The following RB1 variants were observed in gnomAD, a reference collection of about 807,000 sequenced individuals.
RB1 encodes the protein retinoblastoma-associated protein.
RB1 carries 18 observed loss-of-function variants against 135.4 expected under a neutral mutation model. That is an observed-to-expected ratio of 0.13 (90% CI 0.09 to 0.20). The LOEUF (loss-of-function observed/expected upper bound fraction) is 0.20, where lower values mean the gene tolerates loss of function less well. Ranked by LOEUF, RB1 falls within the 10% of genes least tolerant of loss-of-function variation. The probability of loss-of-function intolerance (pLI) is 1.00; values close to 1 mark genes in which losing one functional copy is unlikely to be tolerated. For missense variants in RB1, 868 were observed against 1,110.0 expected, an observed-to-expected ratio of 0.78 and a Z score of 3.10; for synonymous variants, 365 against 373.2, an observed-to-expected ratio of 0.98 and a Z score of 0.25.
At chr13:48,414,629 A>T (rs1042512672) in intron 17 of RB1, among the ~76,000 whole-genome samples, 4 of 151,526 alleles carry the variant, frequency 2.6e-5, no homozygotes, top group Admixed American at 6.6e-5. Flanking sequence ...TTTTCTCATA[A>T]ATTACTTAGC....
chr13:48,411,896 T>G (rs956123497), intron 17 of RB1: 5 of 1,613,504 alleles, frequency 3.1e-6, no homozygotes, highest in Non-Finnish European at 4.2e-6. Context: ...ATGTTTTCCA[T>G]GTGGCTTCTG....
rs765888655 is a variant in RB1, at chr13:48,465,189, T to C, written c.2326-16T>C. On this transcript the variant is annotated splice_polypyrimidine_tract_variant and intron_variant, in intron 22 of 26. Coordinates refer to ENST00000267163, the MANE Select transcript of RB1 (RefSeq NM_000321.3). ...AAACATTAAATAAATAATCTACTTTTTTGTTTTTGCTCTAGCCCCCTACCT... is the reference window on the plus strand; with the variant it reads ...AAACATTAAATAAATAATCTACTTTCTTGTTTTTGCTCTAGCCCCCTACCT... The C allele has an allele frequency of 6.2e-7, 1 of 1,613,976 alleles. No individual in the cohort carries two copies. The highest frequency in any genetic ancestry group is 1.1e-5 in the South Asian group (1 of 91,074).
At position 48,456,248 on chromosome 13, in the gene RB1, C is replaced by T. The variant is rs554834063; in HGVS notation, c.1859C>T (p.Thr620Met). ...VRSPKKKGST[T>M]RVNSTANAET... Reference sequence around the variant, plus strand: ...TCTCCAAAGAAAAAAGGTTCAACTACGCGTGTAAATTCTACTGCAAATGCA... The same window carrying T: ...TCTCCAAAGAAAAAAGGTTCAACTATGCGTGTAAATTCTACTGCAAATGCA... Residue 620 changes from threonine (T) to methionine (M), a missense_variant, in exon 19 of 27, where the codon ACG becomes ATG. By Grantham distance (81) the Thr-to-Met change is moderately conservative (BLOSUM62 -1). Coordinates refer to ENST00000267163, the MANE Select transcript of RB1 (RefSeq NM_000321.3). The T allele has an allele frequency of 1.7e-5, 27 of 1,614,038 alleles. No individual in the cohort carries two copies. Among genetic ancestry groups the T allele is most frequent in the South Asian group, 4.4e-5 (4 of 91,092 alleles).
intron 18 of RB1, among the ~76,000 whole-genome samples, chr13:48,454,011 T>C (rs1170057353): frequency 1.3e-5 from 2 of 152,252 alleles, no homozygotes; most frequent in Non-Finnish European, 2.9e-5. Flanking sequence ...GTGTTTATTT[T>C]CCTTTCACAA....
At chr13:48,392,364 G>C (rs771177410) in intron 17 of RB1, among the ~76,000 whole-genome samples, 4 of 151,984 alleles carry the variant, frequency 2.6e-5, no homozygotes, top group African/African-American at 9.7e-5. Flanking sequence ...ACCCACCTTG[G>C]CTTCCCAAAG....
At chr13:48,336,862 A>G (rs985472683) in intron 2 of RB1, among the ~76,000 whole-genome samples, 76 of 152,146 alleles carry the variant, frequency 5.0e-4, no homozygotes, top group Non-Finnish European at 1.5e-4. Flanking sequence ...CATGTGTCCC[A>G]GAGATTCTGG....
chr13:48,380,062 C>A lies in RB1; in HGVS notation c.1399C>A (p.Arg467=), dbSNP rs398123331. ...AAATTATCTGTTTCAGGAAGAAGAA[C>A]GATTATCCATTCAAAATTTTAGGTA... ...MESMLKSEEE[R]LSIQNFSKLL... is the part of the protein sequence containing the mutation. Residue 467 remains arginine (R), a synonymous_variant, in exon 15 of 27, where the codon CGA becomes AGA. Transcript: ENST00000267163. The A allele has an allele frequency of 3.0e-6, 4 of 1,311,998 alleles. No individual in the cohort carries two copies. The highest frequency in any genetic ancestry group is 2.8e-5 in the East Asian group (1 of 35,390). The allele number at this position is 1,311,998 out of a possible 1,614,324, so 81.3% of individuals were successfully genotyped here. A position where few individuals can be genotyped will look rare whatever the true frequency, so the allele number is the denominator to read the frequency against.
At chr13:48,441,929 G>A (rs1384933240) in intron 17 of RB1, among the ~76,000 whole-genome samples, 2 of 152,110 alleles carry the variant, frequency 1.3e-5, no homozygotes, top group African/African-American at 4.8e-5. Flanking sequence ...ACAAATCTTA[G>A]TCATGAGCAT....
Position 48,319,659 on chromosome 13 carries a change from C to T in RB1, c.264+12253C>T. ...TTTATGGGCGCCCTTCAGACCCTGC[C>T]GATGCGCCACCTTTGCGGCTAGCTC... On this transcript the variant is annotated intron_variant, in intron 2 of 26. Transcript: ENST00000267163. This position sits in a 1 kb window ranked among gnomAD's most constrained non-coding sequence, Gnocchi z 5.0. The T allele has an allele frequency of 1.2e-5, 3 of 253,634 alleles. No homozygotes were observed. Among genetic ancestry groups the T allele is most frequent in the Non-Finnish European group, 2.4e-5 (3 of 122,884 alleles). The allele number at this position is 253,634 out of a possible 1,614,324, so 15.7% of individuals were successfully genotyped here.
chr13:48,411,855 A>G lies in RB1; in HGVS notation c.1695+30412A>G, dbSNP rs765159115. The G allele has an allele frequency of 6.2e-7, 1 of 1,613,722 alleles. No homozygotes were observed. The highest frequency in any genetic ancestry group is 2.2e-5 in the East Asian group (1 of 44,838). On this transcript the variant is annotated intron_variant, in intron 17 of 26. Transcript: ENST00000267163. ...AATTAGAGGAATAAAAAATCCCACTATTTCGATGAAAATTACAATCCTTGA... is the reference window on the plus strand; with the variant it reads ...AATTAGAGGAATAAAAAATCCCACTGTTTCGATGAAAATTACAATCCTTGA...
chr13:48,379,960 A>T (rs2138141845), intron 14 of RB1, 93 bp from the exon 15 acceptor site: 1 of 519,780 alleles, frequency 1.9e-6, no homozygotes, highest in Non-Finnish European at 2.7e-6. Flanking sequence ...CACCATCTAA[A>T]AAAAAAAAAA....
chr13:48,473,262 G>C, intron 23 of RB1, 98 bp from the exon 24 acceptor site: 1 of 941,012 alleles, frequency 1.1e-6, no homozygotes, highest in Admixed American at 1.9e-5. Context: ...CCTTTAATTT[G>C]GTATTCCTAA....
intron 2 of RB1, chr13:48,328,379 C>T (rs1566181888): frequency 2.5e-5 from 39 of 1,532,156 alleles, no homozygotes; most frequent in Non-Finnish European, 3.3e-5. Flanking sequence ...CTTTCTTTGT[C>T]GTCTGACTAC....
intron 18 of RB1, among the ~76,000 whole-genome samples, chr13:48,454,463 A>G (rs933100517): frequency 1.2e-4 from 19 of 152,336 alleles, no homozygotes; most frequent in African/African-American, 4.3e-4. Flanking sequence ...TTTTTTTAAA[A>G]TTCAAGAAGC....
Position 48,480,946 on chromosome 13 carries a change from T to C in RB1, c.*875T>C. On this transcript the variant is annotated 3_prime_UTR_variant, in exon 27 of 27. Coordinates refer to ENST00000267163, the MANE Select transcript of RB1 (RefSeq NM_000321.3). The stretch of plus-strand genomic sequence containing the variant: ...GTATAGAGGACCCTAACACAGTATA[T>C]CCCAAGTGCACTTTCTAATGTTTCT... The C allele has an allele frequency of 4.4e-6, 1 of 229,152 alleles. No homozygotes were observed. Among genetic ancestry groups the C allele is most frequent in the East Asian group, 6.3e-5 (1 of 15,910 alleles). 14.2% of individuals were successfully genotyped at this position (229,152 alleles called of 1,614,324 possible).
At chr13:48,337,332 C>T (rs934508455) in intron 2 of RB1, among the ~76,000 whole-genome samples, 5 of 152,158 alleles carry the variant, frequency 3.3e-5, no homozygotes, top group African/African-American at 1.2e-4. Context: ...TTGTAGGTCT[C>T]TAAGGACTTG....
chr13:48,351,834 C>T lies in RB1; in HGVS notation c.607+2811C>T, dbSNP rs144708846. 8.2e-3 allele frequency among the ~76,000 whole-genome samples: 1,246 copies of T among 151,940 alleles called. 22 individuals carry two copies. Among genetic ancestry groups the T allele is most frequent in the African/African-American group, 0.024 (993 of 41,426 alleles). ...GACTACAGGTGTGCACCACCATGCC[C>T]GGCTAATTTTTGTATTTTTACTAGA... On this transcript the variant is annotated intron_variant, in intron 6 of 26. Coordinates refer to ENST00000267163, the MANE Select transcript of RB1 (RefSeq NM_000321.3).
At chr13:48,369,406 C>A (rs866377584) in intron 11 of RB1, among the ~76,000 whole-genome samples, 1 of 152,168 alleles carries the variant, frequency 6.6e-6, no homozygotes, top group African/African-American at 2.4e-5. Context: ...CTGGTCTCAT[C>A]ATTGTTCCTG....
At position 48,466,102 on chromosome 13, in the gene RB1, GCAGGGCA is replaced by G. The variant is rs1164643272; in HGVS notation, c.2489+738_2489+744del. Among the ~76,000 whole-genome samples the G allele has an allele frequency of 2.0e-5, 3 of 150,490 alleles. No individual in the cohort carries two copies. The East Asian group carries it at 5.9e-4, about 30-fold the overall frequency. ...GCCTTTGTAGGCTCCACCTCTGGGG[GCAGGGCA>G]CAGACAAACAAAAAGACAGCAGTAA... On this transcript the variant is annotated intron_variant, in intron 23 of 26. Coordinates refer to ENST00000267163, the MANE Select transcript of RB1 (RefSeq NM_000321.3).
Sources: gnomAD v4.1 joint callset for allele counts (sites outside exome capture counted in the v4.1 genomes callset) on GRCh38, gnomAD v4.1.1 for gene constraint, Gnocchi (gnomAD v3.1) non-coding constraint, MANE v1.5 for transcripts, NCBI Gene and HGNC (gene_info 2026-07-23, HGNC 2026-07-21) for gene names.